The following ZBTB20 variants were observed in gnomAD, a reference collection of about 807,000 sequenced individuals.
The protein encoded by ZBTB20 is zinc finger and BTB domain containing 20.
ZBTB20 carries 9 observed loss-of-function variants against 56.9 expected under a neutral mutation model. That is an observed-to-expected ratio of 0.16 (90% CI 0.10 to 0.28). The LOEUF (loss-of-function observed/expected upper bound fraction) is 0.28. Ranked by LOEUF, ZBTB20 falls within the 10% of genes least tolerant of loss-of-function variation. The probability of loss-of-function intolerance (pLI) is 1.00; values close to 1 mark genes in which losing one functional copy is unlikely to be tolerated. For missense variants in ZBTB20, 655 were observed against 1,003.0 expected, an observed-to-expected ratio of 0.65 and a Z score of 4.69; for synonymous variants, 417 against 420.7, an observed-to-expected ratio of 0.99 and a Z score of 0.11.
chr3:114,988,908 A>G (rs1217297215), intron 2 of ZBTB20, among the ~76,000 whole-genome samples: 1 of 152,184 alleles, frequency 6.6e-6, no homozygotes, highest in East Asian at 1.9e-4. Flanking sequence ...TCTTTTGAGA[A>G]GTGTCTGTTC....
At chr3:114,685,069 C>T (rs1413697981) in intron 6 of ZBTB20, among the ~76,000 whole-genome samples, 1 of 152,014 alleles carries the variant, frequency 6.6e-6, no homozygotes, top group Non-Finnish European at 1.5e-5. Context: ...TCCCTTGATC[C>T]CCTACATCAT....
In ZBTB20 at chr3:114,351,404, C is replaced by A; in HGVS notation, c.674G>T (p.Ser225Ile). The change falls in exon 11 of 12, where the codon AGC becomes ATC. Residue 225 changes from serine (S) to isoleucine (I), a missense_variant. Transcript: ENST00000675478. ...TPESGTSGQS[S>I]DTESGYLQSH... ...CTGCAGGTAGCCCGACTCCGTGTCG[C>A]TGCTCTGGCCTGACGTGCCTGACTC... is the stretch of plus-strand genomic sequence containing the variant. 1 of 1,612,698 alleles carries A rather than the reference C, an allele frequency of 6.2e-7. No homozygotes were observed. Among genetic ancestry groups the A allele is most frequent in the Non-Finnish European group, 8.5e-7 (1 of 1,179,960 alleles).
intron 1 of ZBTB20, among the ~76,000 whole-genome samples, chr3:115,110,814 T>C (rs1372092790): frequency 1.3e-5 from 2 of 151,680 alleles, no homozygotes; most frequent in African/African-American, 4.8e-5. Flanking sequence ...CATGGTAAAA[T>C]GCCATCTCTA....
At chr3:114,788,761 C>T (rs1450972938) in intron 5 of ZBTB20, among the ~76,000 whole-genome samples, 2 of 151,952 alleles carry the variant, frequency 1.3e-5, no homozygotes, top group African/African-American at 2.4e-5. Flanking sequence ...AAAGATGTAC[C>T]CAAGACTGGG....
chr3:114,385,563 G>A (rs902366301), intron 8 of ZBTB20, among the ~76,000 whole-genome samples: 7 of 152,202 alleles, frequency 4.6e-5, no homozygotes, highest in African/African-American at 1.4e-4. Flanking sequence ...TATTCATCAT[G>A]TTAGCTTTAA....
chr3:114,645,782 A>G (rs1259357002), intron 6 of ZBTB20, among the ~76,000 whole-genome samples: 1 of 152,182 alleles, frequency 6.6e-6, no homozygotes, highest in African/African-American at 2.4e-5. Context: ...CCTTTACCAG[A>G]TATTTCATTA....
At chr3:114,402,978 C>T (rs1440613776) in intron 7 of ZBTB20, among the ~76,000 whole-genome samples, 4 of 152,012 alleles carry the variant, frequency 2.6e-5, no homozygotes, top group Non-Finnish European at 2.9e-5. Flanking sequence ...CTTGGTGGGC[C>T]AGACACATTT....
chr3:114,569,288 C>T (rs74459802), intron 6 of ZBTB20, among the ~76,000 whole-genome samples: 3,129 of 152,126 alleles, frequency 0.021, 106 homozygotes, highest in African/African-American at 0.071. Context: ...GCCATAGGAG[C>T]CAGTGGATAG....
intron 10 of ZBTB20, chr3:114,352,099 C>G (rs751708921): frequency 1.7e-6 from 1 of 583,032 alleles, no homozygotes. Context: ...CCTTTAGTGC[C>G]GCAGCCATTT....
intron 6 of ZBTB20, among the ~76,000 whole-genome samples, chr3:114,605,325 A>C (rs1330959698): frequency 6.6e-6 from 1 of 152,190 alleles, no homozygotes; most frequent in African/African-American, 2.4e-5. Flanking sequence ...GCAGGGGTGA[A>C]AGCTCCTAAA....
At chr3:115,127,616 A>G (rs775107857) in intron 1 of ZBTB20, among the ~76,000 whole-genome samples, 15 of 152,150 alleles carry the variant, frequency 9.9e-5, no homozygotes, top group Non-Finnish European at 2.1e-4. Context: ...ATAAAAATAA[A>G]TAAATTTTAA....
intron 7 of ZBTB20, among the ~76,000 whole-genome samples, chr3:114,485,549 A>G (rs996184848): frequency 6.6e-6 from 1 of 152,218 alleles, no homozygotes; most frequent in African/African-American, 2.4e-5. Flanking sequence ...TACAACGGTC[A>G]AAAATTATGG....
Position 114,332,343 on chromosome 3 carries a change from T to C in ZBTB20, c.*6662A>G, listed in dbSNP as rs1482282985. The stretch of plus-strand genomic sequence containing the variant: ...AAACTGAGGAAAAAAAGTTTAGAGA[T>C]ATACACTGTATAGAGAAAGAAAGCT... On this transcript the variant is annotated 3_prime_UTR_variant, in exon 12 of 12. Transcript: ENST00000675478. 6.6e-6 allele frequency: 1 copy of C among 152,220 alleles called. No individual in the cohort carries two copies. The highest frequency in any genetic ancestry group is 1.5e-5 in the Non-Finnish European group (1 of 68,034). 9.4% of individuals were successfully genotyped at this position (152,220 alleles called of 1,614,324 possible). A position where few individuals can be genotyped will look rare whatever the true frequency, so the allele number is the denominator to read the frequency against.
chr3:114,954,968 T>C (rs1041836083), intron 3 of ZBTB20, among the ~76,000 whole-genome samples: 2 of 152,198 alleles, frequency 1.3e-5, no homozygotes, highest in Non-Finnish European at 2.9e-5. Flanking sequence ...CACAGAGTGG[T>C]GAATAGTAAT....
At chr3:114,572,527 G>A (rs992294416) in intron 6 of ZBTB20, among the ~76,000 whole-genome samples, 10 of 152,194 alleles carry the variant, frequency 6.6e-5, no homozygotes, top group African/African-American at 2.2e-4. Context: ...ACAAGCTTGT[G>A]TACAAATGGT....
At chr3:114,722,955 T>C (rs1328941695) in intron 5 of ZBTB20, among the ~76,000 whole-genome samples, 2 of 152,290 alleles carry the variant, frequency 1.3e-5, no homozygotes, top group African/African-American at 4.8e-5. Context: ...TAAACTGCAG[T>C]TTCTTTCGTC....
chr3:114,457,124 G>A (rs2092068592), intron 7 of ZBTB20, among the ~76,000 whole-genome samples: 3 of 152,196 alleles, frequency 2.0e-5, no homozygotes, highest in South Asian at 2.1e-4. Flanking sequence ...ATAGGCCAGA[G>A]CCCAGAAGAA....
chr3:114,954,215 C>T (rs1421522056), intron 3 of ZBTB20, among the ~76,000 whole-genome samples: 5 of 151,732 alleles, frequency 3.3e-5, no homozygotes, highest in African/African-American at 4.8e-5. Context: ...GTTTTTAAAC[C>T]CCATTTATCA....
At chr3:114,475,738 T>C (rs1285288741) in intron 7 of ZBTB20, among the ~76,000 whole-genome samples, 1 of 152,178 alleles carries the variant, frequency 6.6e-6, no homozygotes, top group Non-Finnish European at 1.5e-5. Flanking sequence ...GACCAAATGG[T>C]TAATTGAGAA....
Sources: allele counts gnomAD v4.1 joint callset (sites outside exome capture counted in the v4.1 genomes callset), GRCh38; gene constraint gnomAD v4.1.1; transcripts MANE v1.5; gene names NCBI Gene and HGNC (gene_info 2026-07-23, HGNC 2026-07-21).